The following RPAP3 variants were observed in gnomAD, a reference collection of about 807,000 sequenced individuals.
RPAP3 encodes RNA polymerase II associated protein 3.
In RPAP3, 58 loss-of-function variants were observed where a neutral mutation model predicts 88.8. The observed-to-expected ratio is 0.65, with a 90% CI of 0.53 to 0.81. The LOEUF (loss-of-function observed/expected upper bound fraction) is 0.81. RPAP3 is among the 40% of genes least tolerant of loss of function. The pLI, the probability that RPAP3 is intolerant of heterozygous loss-of-function variation, is 0.00. For missense variants in RPAP3, 751 were observed against 764.3 expected, an observed-to-expected ratio of 0.98 and a Z score of 0.20; for synonymous variants, 255 against 259.9, an observed-to-expected ratio of 0.98 and a Z score of 0.18.
chr12:47,683,523 T>C (rs954955704), intron 9 of RPAP3, among the ~76,000 whole-genome samples: 3 of 152,218 alleles, frequency 2.0e-5, no homozygotes, highest in Admixed American at 6.5e-5. Flanking sequence ...CATGTTCTAC[T>C]GTACAGCTGA....
chr12:47,661,667 T>G lies in RPAP3; in HGVS notation c.*1838A>C, dbSNP rs571912074. On this transcript the variant is annotated 3_prime_UTR_variant, in exon 17 of 17. Transcript: ENST00000005386. ...AATCTTGTGATCTGTACTTCTTCAG[T>G]TAACAGTCTCTACACAGGTAACACA... 2 of 152,320 alleles carry G rather than the reference T, an allele frequency of 1.3e-5. No homozygotes were observed. The highest frequency in any genetic ancestry group is 4.1e-4 in the South Asian group (2 of 4,826). 9.4% of individuals were successfully genotyped at this position (152,320 alleles called of 1,614,324 possible). A position where few individuals can be genotyped will look rare whatever the true frequency, so the allele number is the denominator to read the frequency against.
chr12:47,704,087 C>T (rs1939716013), intron 1 of RPAP3, among the ~76,000 whole-genome samples: 1 of 152,168 alleles, frequency 6.6e-6, no homozygotes, highest in African/African-American at 2.4e-5. Flanking sequence ...AGATAAATTC[C>T]GGTGTCACTA....
chr12:47,667,191 T>C (rs578133782), intron 15 of RPAP3, 111 bp from the exon 16 acceptor site: 60 of 410,558 alleles, frequency 1.5e-4, no homozygotes, highest in South Asian at 7.7e-4. Context: ...CATCATTTTT[T>C]CCCCTGGATA....
In RPAP3 at chr12:47,662,261, T is replaced by C. The variant is rs1938775184; in HGVS notation, c.*1244A>G. 2 of 152,190 alleles carry C rather than the reference T, an allele frequency of 1.3e-5. No homozygotes were observed. Among genetic ancestry groups the C allele is most frequent in the African/African-American group, 2.4e-5 (1 of 41,436 alleles). The allele number at this position is 152,190 out of a possible 1,614,324, so 9.4% of individuals were successfully genotyped here. A position where few individuals can be genotyped will look rare whatever the true frequency, so the allele number is the denominator to read the frequency against. ...ATAGCAGATAAAAAGCTAAATTCAATTGCCTGTTTATATATCATAATACAT... is the reference window on the plus strand; with the variant it reads ...ATAGCAGATAAAAAGCTAAATTCAACTGCCTGTTTATATATCATAATACAT... On this transcript the variant is annotated 3_prime_UTR_variant, in exon 17 of 17. Coordinates refer to ENST00000005386, the MANE Select transcript of RPAP3 (RefSeq NM_024604.3).
chr12:47,676,050 A>C (rs1939107810), intron 12 of RPAP3, among the ~76,000 whole-genome samples: 1 of 152,230 alleles, frequency 6.6e-6, no homozygotes. Flanking sequence ...ACTGTCTCTC[A>C]GACCACAGTG....
In RPAP3 at chr12:47,665,412, C is replaced by T. The variant is rs372550260; in HGVS notation, c.1912+1568G>A. ...AATTACAGGCGTGAGCCACTGCACC[C>T]GCCTGACAGTTTGGTATATTAAAAG... On this transcript the variant is annotated intron_variant, in intron 16 of 16. Coordinates refer to ENST00000005386, the MANE Select transcript of RPAP3 (RefSeq NM_024604.3). Among the ~76,000 whole-genome samples, 5 of 151,136 alleles carry T rather than the reference C, an allele frequency of 3.3e-5. No homozygotes were observed. The South Asian group carries it at 8.4e-4, about 25-fold the overall frequency.
At chr12:47,700,533 C>T (rs1297186098) in intron 3 of RPAP3, among the ~76,000 whole-genome samples, 1 of 152,116 alleles carries the variant, frequency 6.6e-6, no homozygotes, top group Non-Finnish European at 1.5e-5. Context: ...TATCACATCC[C>T]CCAACATACA....
chr12:47,673,386 T>C (rs560749424), intron 12 of RPAP3, among the ~76,000 whole-genome samples: 1 of 137,112 alleles, frequency 7.3e-6, no homozygotes. Context: ...GAGGTTGCAG[T>C]GAGCTGAGAT....
chr12:47,679,078 G>A (rs1939171284), intron 12 of RPAP3, among the ~76,000 whole-genome samples: 1 of 152,174 alleles, frequency 6.6e-6, no homozygotes, highest in Non-Finnish European at 1.5e-5. Flanking sequence ...CATAAAAAAC[G>A]ATGAGTTCAT....
At chr12:47,684,288 C>G (rs932389721) in intron 9 of RPAP3, among the ~76,000 whole-genome samples, 1 of 152,186 alleles carries the variant, frequency 6.6e-6, no homozygotes, top group African/African-American at 2.4e-5. Flanking sequence ...CTCTAGGAAT[C>G]CCGGTTGGCC....
In RPAP3 at chr12:47,663,494, A is replaced by G; in HGVS notation, c.*11T>C. On this transcript the variant is annotated 3_prime_UTR_variant, in exon 17 of 17. Coordinates refer to ENST00000005386, the MANE Select transcript of RPAP3 (RefSeq NM_024604.3). ...GAAAGTCAAAAACAATTATTTCAGC[A>G]AAAATGGAAATCAACCACCGTATCT... 6.5e-7 allele frequency: 1 copy of G among 1,549,088 alleles called. No individual in the cohort carries two copies.
chr12:47,666,816 T>A (rs1484958390), intron 16 of RPAP3, among the ~76,000 whole-genome samples, 164 bp downstream of exon 16: 1 of 152,228 alleles, frequency 6.6e-6, no homozygotes, highest in Non-Finnish European at 1.5e-5. Context: ...TGTTATCCAA[T>A]TTAATTAACT....
At chr12:47,664,310 A>G (rs1364607853) in intron 16 of RPAP3, among the ~76,000 whole-genome samples, 1 of 152,088 alleles carries the variant, frequency 6.6e-6, no homozygotes, top group Non-Finnish European at 1.5e-5. Context: ...GAATGGCGTG[A>G]ACCCAGGAGG....
chr12:47,675,753 T>C (rs4636749), intron 12 of RPAP3, among the ~76,000 whole-genome samples: 5,749 of 152,158 alleles, frequency 0.038, 360 homozygotes, highest in African/African-American at 0.13. Flanking sequence ...AGCAAGTCCT[T>C]AGAGACCTAC....
intron 16 of RPAP3, among the ~76,000 whole-genome samples, chr12:47,666,430 T>C (rs1184443637): frequency 1.3e-5 from 2 of 152,244 alleles, no homozygotes; most frequent in African/African-American, 2.4e-5. Context: ...TAAAACTCTC[T>C]TGCCCAGCCT....
In RPAP3 at chr12:47,702,835, A is replaced by G; in HGVS notation, c.6T>C (p.Thr2=). 2.5e-6 allele frequency: 4 copies of G among 1,612,804 alleles called. No homozygotes were observed. Among genetic ancestry groups the G allele is most frequent in the Non-Finnish European group, 3.4e-6 (4 of 1,179,544 alleles). The change falls in exon 2 of 17, where the codon ACT becomes ACC. Residue 2 remains threonine, a synonymous_variant. Transcript: ENST00000005386. ...GTAATTCGATTGCTTTATTTGCTGA[A>G]GTCATTATGGTCTGCAGAGTTTTGA... M[T]SANKAIELQL... is the part of the protein sequence containing the mutation.
intron 5 of RPAP3, among the ~76,000 whole-genome samples, chr12:47,694,477 A>G (rs1467425099): frequency 6.6e-6 from 1 of 152,242 alleles, no homozygotes; most frequent in Non-Finnish European, 1.5e-5. Flanking sequence ...TCATTTTATA[A>G]AGTCCTAATC....
chr12:47,698,335 C>A (rs543626395), intron 3 of RPAP3, among the ~76,000 whole-genome samples: 5 of 151,932 alleles, frequency 3.3e-5, no homozygotes, highest in African/African-American at 1.2e-4. Flanking sequence ...TACTGTCTCT[C>A]GGTGTATTCC....
chr12:47,692,478 G>C (rs145702867), intron 5 of RPAP3, among the ~76,000 whole-genome samples: 2 of 152,278 alleles, frequency 1.3e-5, no homozygotes, highest in Non-Finnish European at 2.9e-5. Context: ...ACCAACTTCT[G>C]CTAGCTTTCA....
Sources: gnomAD v4.1 joint callset for allele counts (sites outside exome capture counted in the v4.1 genomes callset) on GRCh38, gnomAD v4.1.1 for gene constraint, MANE v1.5 for transcripts, NCBI Gene and HGNC (gene_info 2026-07-23, HGNC 2026-07-21) for gene names.